The following ARHGAP10 variants were observed in gnomAD, a reference collection of about 807,000 sequenced individuals.
ARHGAP10 encodes Rho GTPase activating protein 10, also known as rho GTPase-activating protein 10.
ARHGAP10 carries 87 observed loss-of-function variants against 108.6 expected under a neutral mutation model. That is an observed-to-expected ratio of 0.80 (90% CI 0.67 to 0.96). The LOEUF (loss-of-function observed/expected upper bound fraction) is 0.96. Among genes scored for constraint, ARHGAP10 ranks in the 40% least tolerant of loss-of-function variants. The pLI is 0.00. For synonymous variants in ARHGAP10, 347 were observed against 341.1 expected (o/e 1.02, Z -0.19); for missense variants, 939 against 954.5 (o/e 0.98, Z 0.21).
chr4:147,992,949 G>A (rs560188742), intron 18 of ARHGAP10, among the ~76,000 whole-genome samples: 3 of 152,304 alleles, frequency 2.0e-5, no homozygotes, highest in Non-Finnish European at 4.4e-5. Flanking sequence ...TGATTGGAGG[G>A]TGTATTGAAG....
intron 18 of ARHGAP10, among the ~76,000 whole-genome samples, chr4:147,983,885 G>A (rs913030898): frequency 8.5e-5 from 13 of 152,088 alleles, no homozygotes; most frequent in African/African-American, 2.9e-4. Context: ...TTCTACTGCT[G>A]GAGTTCTTAT....
chr4:147,784,874 T>C (rs1269202049), intron 1 of ARHGAP10, among the ~76,000 whole-genome samples: 1 of 118,770 alleles, frequency 8.4e-6, no homozygotes, highest in African/African-American at 3.3e-5. Context: ...ATAAAATATA[T>C]ATTATAAATA....
chr4:147,919,266 G>A (rs7685779), intron 13 of ARHGAP10, among the ~76,000 whole-genome samples: 19,137 of 152,052 alleles, frequency 0.13, 2,879 homozygotes, highest in African/African-American at 0.35. Context: ...ATTTTGGTAG[G>A]ACTGGCAGTT....
intron 18 of ARHGAP10, among the ~76,000 whole-genome samples, chr4:148,002,465 T>A (rs1319494339): frequency 6.6e-6 from 1 of 152,212 alleles, no homozygotes; most frequent in Non-Finnish European, 1.5e-5. Context: ...TTTCTATTGA[T>A]TGGCATAGTT....
chr4:147,954,209 T>C (rs897855904), intron 15 of ARHGAP10, among the ~76,000 whole-genome samples: 4 of 152,020 alleles, frequency 2.6e-5, no homozygotes, highest in Admixed American at 1.3e-4. Flanking sequence ...GACATGCCAG[T>C]TGGATTAAGT....
intron 10 of ARHGAP10, among the ~76,000 whole-genome samples, chr4:147,895,157 T>C (rs982509839): frequency 5.9e-5 from 9 of 152,166 alleles, no homozygotes; most frequent in African/African-American, 1.4e-4. Flanking sequence ...ATAGAAGTCA[T>C]GGGCATTTTT....
At chr4:147,779,040 A>G (rs1293283628) in intron 1 of ARHGAP10, among the ~76,000 whole-genome samples, 2 of 152,192 alleles carry the variant, frequency 1.3e-5, no homozygotes, top group South Asian at 2.1e-4. Flanking sequence ...TCTTCCGGGC[A>G]GTGGTTCCCA....
intron 1 of ARHGAP10, among the ~76,000 whole-genome samples, chr4:147,750,140 G>C (rs1729082353): frequency 6.6e-6 from 1 of 152,098 alleles, no homozygotes; most frequent in Non-Finnish European, 1.5e-5. Context: ...CATTCCAAAA[G>C]CTTTAAATTT....
chr4:147,776,225 A>C (rs919259281), intron 1 of ARHGAP10, among the ~76,000 whole-genome samples: 4 of 151,618 alleles, frequency 2.6e-5, no homozygotes, highest in African/African-American at 9.7e-5. Context: ...TGAATGATGG[A>C]AAAAAAAATT....
chr4:147,905,165 T>A (rs1328604389), intron 10 of ARHGAP10, among the ~76,000 whole-genome samples: 1 of 152,212 alleles, frequency 6.6e-6, no homozygotes, highest in Non-Finnish European at 1.5e-5. Context: ...GCGAAAATTT[T>A]CTCCCATTTT....
rs563321837 is a variant in ARHGAP10 at position 147,920,755 on chromosome 4, T to C, written c.1228+7616T>C. Among the ~76,000 whole-genome samples the C allele has an allele frequency of 9.2e-5, 14 of 152,314 alleles. 1 individual carries two copies. The highest frequency in any genetic ancestry group is 3.4e-4 in the African/African-American group (14 of 41,574). On this transcript the variant is annotated intron_variant, in intron 13 of 22. Transcript: ENST00000336498. ...CCGATTAAGAGAATATGAGTGCATG[T>C]TGAAGGATTGGGAAGCATGTGATGT... is the stretch of plus-strand genomic sequence containing the variant.
At chr4:147,770,336 C>A (rs1730025230) in intron 1 of ARHGAP10, among the ~76,000 whole-genome samples, 1 of 152,116 alleles carries the variant, frequency 6.6e-6, no homozygotes. Context: ...ACCAGCCTGG[C>A]CAACATGGTG....
chr4:147,783,618 T>C (rs1167745621), intron 1 of ARHGAP10, among the ~76,000 whole-genome samples: 1 of 146,934 alleles, frequency 6.8e-6, no homozygotes, highest in Non-Finnish European at 1.5e-5. Flanking sequence ...GTATAATTTA[T>C]AGAACACATT....
chr4:147,740,135 G>A (rs866980024), intron 1 of ARHGAP10, among the ~76,000 whole-genome samples: 22 of 148,534 alleles, frequency 1.5e-4, no homozygotes, highest in African/African-American at 4.2e-4. Context: ...TGCAACCTCC[G>A]CCTCCCAGGT....
intron 1 of ARHGAP10, among the ~76,000 whole-genome samples, chr4:147,793,162 GTA>G (rs201273051): frequency 0.019 from 2,884 of 151,788 alleles, 61 homozygotes; most frequent in Non-Finnish European, 0.029. Flanking sequence ...GTGTGTGTAT[GTA>G]TGTGTGTGTG....
chr4:147,737,461 G>T (rs895803080), intron 1 of ARHGAP10, among the ~76,000 whole-genome samples: 1 of 151,576 alleles, frequency 6.6e-6, no homozygotes, highest in Admixed American at 6.6e-5. Context: ...GGCCTTAATG[G>T]CCTAATTTTG....
At chr4:147,964,067 C>G (rs779584255) in intron 16 of ARHGAP10, among the ~76,000 whole-genome samples, 1 of 152,172 alleles carries the variant, frequency 6.6e-6, no homozygotes, top group Non-Finnish European at 1.5e-5. Context: ...CTCACTGACC[C>G]GAGGAAACTG....
chr4:147,780,496 G>C (rs906638916), intron 1 of ARHGAP10, among the ~76,000 whole-genome samples: 11 of 152,134 alleles, frequency 7.2e-5, no homozygotes, highest in African/African-American at 2.7e-4. Flanking sequence ...GAAATGCTGT[G>C]CTCAGCTTGG....
chr4:147,996,053 A>T (rs1284317572), intron 18 of ARHGAP10, among the ~76,000 whole-genome samples: 1 of 152,150 alleles, frequency 6.6e-6, no homozygotes, highest in Non-Finnish European at 1.5e-5. Context: ...GACCTTCCAC[A>T]GGGGGCCTGT....
Sources: gnomAD v4.1 joint callset for allele counts (sites outside exome capture counted in the v4.1 genomes callset) on GRCh38, gnomAD v4.1.1 for gene constraint, MANE v1.5 for transcripts, NCBI Gene and HGNC (gene_info 2026-07-23, HGNC 2026-07-21) for gene names.